Variants in CFAP52 observed in about 807,000 individuals in gnomAD.
CFAP52 encodes the protein cilia and flagella associated protein 52, also known as cilia- and flagella-associated protein 52.
A neutral mutation model predicts 70.5 loss-of-function variants in CFAP52; 57 were observed. That is an observed-to-expected ratio of 0.81 (90% CI 0.65 to 1.01). CFAP52 has a LOEUF of 1.01. CFAP52 is among the 50% of genes least tolerant of loss of function. The probability of loss-of-function intolerance (pLI) is 0.00; values close to 1 mark genes in which losing one functional copy is unlikely to be tolerated. For synonymous variants in CFAP52, 267 were observed against 292.5 expected, an observed-to-expected ratio of 0.91 and a Z score of 0.89; for missense variants, 785 against 788.5, an observed-to-expected ratio of 1.00 and a Z score of 0.05.
At chr17:9,629,376 A>G (rs535032091) in intron 9 of CFAP52, among the ~76,000 whole-genome samples, 2 of 152,184 alleles carry the variant, frequency 1.3e-5, no homozygotes, top group East Asian at 3.8e-4. Context: ...GAAAGTACAC[A>G]TACTGCTTCA....
rs1465929744 is a variant in CFAP52 at position 9,641,924 on chromosome 17, C to A, written c.1687+89C>A. 1.2e-4 allele frequency: 138 copies of A among 1,161,476 alleles called. 1 individual carries two copies. The South Asian group carries it at 1.7e-3, about 14-fold the overall frequency. The allele number at this position is 1,161,476 out of a possible 1,614,324, so 71.9% of individuals were successfully genotyped here. ...CCAGGCTAGAGGCAATTGGAAAAGACAACAAAAGGGTCTCAAGGCAACTTG... is the reference window on the plus strand; with the variant it reads ...CCAGGCTAGAGGCAATTGGAAAAGAAAACAAAAGGGTCTCAAGGCAACTTG... On this transcript the variant is annotated intron_variant, in intron 13 of 13. Transcript: ENST00000352665.
intron 11 of CFAP52, among the ~76,000 whole-genome samples, chr17:9,637,366 G>C (rs1385376181): frequency 6.6e-6 from 1 of 152,138 alleles, no homozygotes; most frequent in African/African-American, 2.4e-5. Context: ...TGTGTAGCAG[G>C]AATTCTTGTG....
chr17:9,622,629 C>A (rs760811138), intron 8 of CFAP52, among the ~76,000 whole-genome samples: 4 of 151,828 alleles, frequency 2.6e-5, no homozygotes, highest in Non-Finnish European at 4.4e-5. Context: ...CCCTGCTTAC[C>A]TGAAAATATG....
chr17:9,608,017 T>C (rs1909564777), intron 6 of CFAP52, 102 bp from the exon 7 acceptor site: 2 of 809,780 alleles, frequency 2.5e-6, no homozygotes, highest in South Asian at 6.1e-5. Flanking sequence ...TTTATTGCCA[T>C]ATGTTTTTGG....
chr17:9,606,277 G>T (rs1453695542), intron 6 of CFAP52, among the ~76,000 whole-genome samples: 1 of 152,042 alleles, frequency 6.6e-6, no homozygotes, highest in African/African-American at 2.4e-5. Flanking sequence ...TGGCTACTGG[G>T]GAGGCTGAGG....
At chr17:9,603,277 C>T (rs953566714) in intron 6 of CFAP52, among the ~76,000 whole-genome samples, 1 of 152,138 alleles carries the variant, frequency 6.6e-6, no homozygotes, top group Non-Finnish European at 1.5e-5. Flanking sequence ...GGCACTATCT[C>T]GGCTCACTGC....
chr17:9,592,062 A>T lies in CFAP52; in HGVS notation c.408-2131A>T, dbSNP rs777540698. 3.3e-5 allele frequency among the ~76,000 whole-genome samples: 5 copies of T among 152,092 alleles called. No homozygotes were observed. The East Asian group carries it at 9.6e-4, about 29-fold the overall frequency. On this transcript the variant is annotated intron_variant, in intron 3 of 13. Coordinates refer to ENST00000352665, the MANE Select transcript of CFAP52 (RefSeq NM_145054.5). ...TTAATTGAAATACATTTCACATATC[A>T]TAAAATTGACCCGTGTTAAGGTGTA...
Position 9,643,039 on chromosome 17 carries a change from G to T in CFAP52, c.1704G>T (p.Leu568=). Reference sequence around the variant, plus strand: ...CTTTTTCAGGTGGAAATGACCATCTGGTCAAAGTTTGGGATTATAATGAGG... The same window carrying T: ...CTTTTTCAGGTGGAAATGACCATCTTGTCAAAGTTTGGGATTATAATGAGG... The part of the protein sequence containing the change: ...VHFVTGGNDH[L]VKVWDYNEGE... The change falls in exon 14 of 14, where the codon CTG becomes CTT. Residue 568 remains leucine (L), a synonymous_variant. Transcript: ENST00000352665. 6.2e-7 allele frequency: 1 copy of T among 1,602,498 alleles called. No individual in the cohort carries two copies. Among genetic ancestry groups the T allele is most frequent in the Non-Finnish European group, 8.5e-7 (1 of 1,174,588 alleles).
intron 8 of CFAP52, among the ~76,000 whole-genome samples, chr17:9,613,108 C>T (rs1909774572): frequency 6.6e-6 from 1 of 151,822 alleles, no homozygotes; most frequent in Non-Finnish European, 1.5e-5. Context: ...GCATATAGCC[C>T]CATCTTAAGA....
In CFAP52 at chr17:9,586,851, A is replaced by C; in HGVS notation, c.407+17A>C. On this transcript the variant is annotated intron_variant, in intron 3 of 13. Coordinates refer to ENST00000352665, the MANE Select transcript of CFAP52 (RefSeq NM_145054.5). ...TGACGGAAGGTAATGAACTAAACATAGTTACTTATTTTCTTTATTTTTTTT... is the reference window on the plus strand; with the variant it reads ...TGACGGAAGGTAATGAACTAAACATCGTTACTTATTTTCTTTATTTTTTTT... The C allele has an allele frequency of 6.4e-7, 1 of 1,571,508 alleles. No individual in the cohort carries two copies. Among genetic ancestry groups the C allele is most frequent in the South Asian group, 1.2e-5 (1 of 83,362 alleles).
chr17:9,590,669 A>C (rs781501579), intron 3 of CFAP52, among the ~76,000 whole-genome samples: 2 of 152,180 alleles, frequency 1.3e-5, no homozygotes, highest in Non-Finnish European at 1.5e-5. Context: ...CCCCCTGTCA[A>C]AGAGACTAGG....
Position 9,600,123 on chromosome 17 carries a change from A to G in CFAP52, c.693A>G (p.Lys231=), listed in dbSNP as rs1476275517. The G allele has an allele frequency of 6.2e-7, 1 of 1,614,028 alleles. No homozygotes were observed. The highest frequency in any genetic ancestry group is 1.3e-5 in the African/African-American group (1 of 75,012). ...GCACCACGACTGGAGATATTCTAAA[A>G]ATGAACCCCAGGACTAAACTGCTGA... ...YLGTTTGDIL[K]MNPRTKLLTD... is the part of the protein sequence containing the mutation. The change falls in exon 6 of 14, where the codon AAA becomes AAG. Residue 231 remains lysine, a synonymous_variant. Transcript: ENST00000352665.
At chr17:9,628,859 C>A (rs1199029022) in intron 9 of CFAP52, 39 bp downstream of exon 9, 1 of 1,611,966 alleles carries the variant, frequency 6.2e-7, no homozygotes, top group East Asian at 2.2e-5. Flanking sequence ...GGGGCTCTAG[C>A]TGCGGTTTTG....
intron 2 of CFAP52, 95 bp downstream of exon 2, chr17:9,586,067 G>A: frequency 1.6e-6 from 2 of 1,274,940 alleles, no homozygotes; most frequent in Non-Finnish European, 2.2e-6. Context: ...ATGTGGCAAT[G>A]TGCTTTATTC....
At chr17:9,594,939 G>A (rs1213268396) in intron 4 of CFAP52, among the ~76,000 whole-genome samples, 1 of 141,556 alleles carries the variant, frequency 7.1e-6, no homozygotes, top group East Asian at 2.1e-4. Context: ...CACCCAGGCT[G>A]TAGTGCGGTG....
chr17:9,616,485 G>A (rs1909931817), intron 8 of CFAP52, among the ~76,000 whole-genome samples: 3 of 138,768 alleles, frequency 2.2e-5, no homozygotes, highest in African/African-American at 8.5e-5. Flanking sequence ...CTCGAACTGG[G>A]TGGAGCCCAC....
At chr17:9,613,583 T>C (rs1466505055) in intron 8 of CFAP52, among the ~76,000 whole-genome samples, 1 of 152,040 alleles carries the variant, frequency 6.6e-6, no homozygotes, top group African/African-American at 2.4e-5. Context: ...AGTGGTGGGA[T>C]TTCGACTCAC....
chr17:9,582,872 A>G (rs2151926171), intron 1 of CFAP52, among the ~76,000 whole-genome samples: 1 of 152,314 alleles, frequency 6.6e-6, no homozygotes, highest in East Asian at 1.9e-4. Context: ...CCCAGCCTCG[A>G]GTGATCTGCC....
chr17:9,599,269 C>CTGAA (rs1256713314), intron 5 of CFAP52, among the ~76,000 whole-genome samples: 10 of 152,194 alleles, frequency 6.6e-5, no homozygotes, highest in African/African-American at 1.9e-4. Flanking sequence ...GATTTTGGAG[C>CTGAA]ATTTCAGATT....
Sources: allele counts gnomAD v4.1 joint callset (sites outside exome capture counted in the v4.1 genomes callset), GRCh38; gene constraint gnomAD v4.1.1; transcripts MANE v1.5; gene names NCBI Gene and HGNC (gene_info 2026-07-23, HGNC 2026-07-21).